The following FRMD4A variants were observed in gnomAD, a reference collection of about 807,000 sequenced individuals.
The protein encoded by FRMD4A is FERM domain-containing protein 4A.
Under a neutral mutation model 129.1 loss-of-function variants are expected in FRMD4A, and 29 were observed. The observed-to-expected ratio is 0.22, with a 90% confidence interval of 0.17 to 0.31. FRMD4A has a LOEUF of 0.31. FRMD4A is among the 10% of genes least tolerant of loss of function. The pLI is 1.00. For missense variants in FRMD4A, 1,272 were observed against 1,375.8 expected, an observed-to-expected ratio of 0.92 and a Z score of 1.19; for synonymous variants, 634 against 571.6, an observed-to-expected ratio of 1.11 and a Z score of -1.56.
chr10:13,872,784 C>CGTTT (rs1468450833), intron 2 of FRMD4A, among the ~76,000 whole-genome samples: 1 of 152,060 alleles, frequency 6.6e-6, no homozygotes, highest in Non-Finnish European at 1.5e-5. Flanking sequence ...TTTGTCTGTT[C>CGTTT]GTTTGTTTGT....
chr10:14,276,073 A>G (rs980956305), intron 2 of FRMD4A, among the ~76,000 whole-genome samples: 3 of 152,234 alleles, frequency 2.0e-5, no homozygotes, highest in Non-Finnish European at 4.4e-5. Flanking sequence ...AGAATGAATC[A>G]GGAGACCTGT....
At position 13,938,246 on chromosome 10, in the gene FRMD4A, GT is replaced by G. The variant is rs869224014; in HGVS notation, c.46-79335del. Among the ~76,000 whole-genome samples the G allele has an allele frequency of 8.7e-4, 132 of 152,106 alleles. 2 individuals are homozygous for G. The highest frequency in any genetic ancestry group is 8.7e-3 in the Admixed American group (132 of 15,242). ...TTTTGTTGTTGCTGTTTGTTTGTTT[GT>G]TTGTTTGTTTTTGAGACACAGTCTT... is the stretch of plus-strand genomic sequence containing the variant. On this transcript the variant is annotated intron_variant, in intron 2 of 24. Transcript: ENST00000357447.
intron 2 of FRMD4A, among the ~76,000 whole-genome samples, chr10:14,328,582 G>T (rs2132130892): frequency 6.7e-6 from 1 of 149,348 alleles, no homozygotes. Flanking sequence ...CACGATGCAG[G>T]ATTTATTTCT....
intron 14 of FRMD4A, among the ~76,000 whole-genome samples, chr10:13,700,087 C>T (rs1004578890): frequency 2.0e-5 from 3 of 151,916 alleles, no homozygotes; most frequent in Admixed American, 2.0e-4. Context: ...GGGATTGTTT[C>T]ATTTCGTCCT....
intron 14 of FRMD4A, among the ~76,000 whole-genome samples, chr10:13,699,104 G>A (rs1484929238): frequency 1.4e-5 from 2 of 146,782 alleles, no homozygotes; most frequent in African/African-American, 5.0e-5. Flanking sequence ...CAACCACGCT[G>A]GAGTGCAGTG....
At chr10:13,786,910 AAGTAAAG>A (rs2092879609) in intron 5 of FRMD4A, among the ~76,000 whole-genome samples, 1 of 152,218 alleles carries the variant, frequency 6.6e-6, no homozygotes, top group Non-Finnish European at 1.5e-5. Context: ...AGTTCTTAAA[AAGTAAAG>A]AGTAAAGACA....
chr10:14,082,711 G>T (rs910726672), intron 2 of FRMD4A, among the ~76,000 whole-genome samples: 2 of 152,130 alleles, frequency 1.3e-5, no homozygotes, highest in African/African-American at 4.8e-5. Context: ...TGGCTTTGTA[G>T]CCCATAACGC....
intron 12 of FRMD4A, among the ~76,000 whole-genome samples, chr10:13,720,377 T>G (rs2089299682): frequency 6.6e-6 from 1 of 152,176 alleles, no homozygotes; most frequent in Non-Finnish European, 1.5e-5. Context: ...CATCAATCAA[T>G]GAGGCCACTA....
chr10:14,121,192 A>G (rs1589019847), intron 2 of FRMD4A, among the ~76,000 whole-genome samples: 1 of 151,798 alleles, frequency 6.6e-6, no homozygotes, highest in Non-Finnish European at 1.5e-5. Context: ...ACCTGGTGAA[A>G]CCCCGTCTCT....
intron 2 of FRMD4A, among the ~76,000 whole-genome samples, chr10:13,967,340 GA>G (rs1214348518): frequency 2.2e-4 from 31 of 144,112 alleles, no homozygotes; most frequent in Non-Finnish European, 2.3e-4. Flanking sequence ...CCGTCTCAAA[GA>G]AAAAAAAAAA....
chr10:13,972,332 A>C, intron 2 of FRMD4A: 1 of 985,892 alleles, frequency 1.0e-6, no homozygotes, highest in Non-Finnish European at 1.2e-6. Context: ...CCACAAGGTC[A>C]AGCAAAAAGT....
chr10:13,757,984 T>G (rs1390746418), intron 8 of FRMD4A, among the ~76,000 whole-genome samples: 1 of 152,230 alleles, frequency 6.6e-6, no homozygotes, highest in Non-Finnish European at 1.5e-5. Flanking sequence ...CCTTAGGTGA[T>G]TCACCTGCCT....
At chr10:14,244,185 G>A (rs916863831) in intron 2 of FRMD4A, among the ~76,000 whole-genome samples, 1 of 152,208 alleles carries the variant, frequency 6.6e-6, no homozygotes, top group Non-Finnish European at 1.5e-5. Context: ...AAAGGCAGGA[G>A]GAGTTGTAAT....
chr10:14,318,014 A>G (rs1017979085), intron 2 of FRMD4A, among the ~76,000 whole-genome samples: 3 of 152,156 alleles, frequency 2.0e-5, no homozygotes, highest in Non-Finnish European at 4.4e-5. Context: ...TGTATTAAAG[A>G]GGCTACCTCA....
At chr10:13,673,508 C>T (rs943016996) in intron 16 of FRMD4A, among the ~76,000 whole-genome samples, 3 of 152,206 alleles carry the variant, frequency 2.0e-5, no homozygotes, top group African/African-American at 7.2e-5. Context: ...TTAGGTGGTG[C>T]ACAGTTGCTC....
chr10:13,884,158 A>T (rs77822566), intron 2 of FRMD4A, among the ~76,000 whole-genome samples: 7,036 of 38,504 alleles, frequency 0.18, 292 homozygotes, highest in Non-Finnish European at 0.26. Flanking sequence ...ACACACTCTC[A>T]CACACACACT....
chr10:13,780,130 C>T (rs190985088), intron 6 of FRMD4A, among the ~76,000 whole-genome samples: 411 of 152,214 alleles, frequency 2.7e-3, no homozygotes, highest in Admixed American at 6.4e-3. Context: ...AGTTTGAGAC[C>T]AGCCTGGGCA....
chr10:13,779,881 T>A (rs965331815), intron 6 of FRMD4A, among the ~76,000 whole-genome samples: 1 of 152,096 alleles, frequency 6.6e-6, no homozygotes, highest in Non-Finnish European at 1.5e-5. Context: ...CTACACATCA[T>A]GTGAACTTTG....
At chr10:13,761,445 G>C (rs2092071892) in intron 8 of FRMD4A, among the ~76,000 whole-genome samples, 1 of 152,224 alleles carries the variant, frequency 6.6e-6, no homozygotes, top group Non-Finnish European at 1.5e-5. Context: ...TTTGCATGTA[G>C]TGGAGAATAT....
Sources: allele counts gnomAD v4.1 joint callset (sites outside exome capture counted in the v4.1 genomes callset), GRCh38; gene constraint gnomAD v4.1.1; transcripts MANE v1.5; gene names NCBI Gene and HGNC (gene_info 2026-07-23, HGNC 2026-07-21).